Variants in CACNG5 observed in about 807,000 individuals in gnomAD.
CACNG5 encodes the protein voltage-dependent calcium channel gamma-5 subunit.
A neutral mutation model predicts 24.8 loss-of-function variants in CACNG5; 18 were observed. The observed-to-expected ratio is 0.73, with a 90% CI of 0.50 to 1.08. The LOEUF (loss-of-function observed/expected upper bound fraction) is 1.08. Ranked by LOEUF, CACNG5 falls within the 50% of genes least tolerant of loss-of-function variation. CACNG5 has a pLI of 0.00. For missense variants in CACNG5, 349 were observed against 367.9 expected (o/e 0.95, Z 0.42); for synonymous variants, 157 against 149.1 (o/e 1.05, Z -0.39).
At position 66,893,455 on chromosome 17, in the gene CACNG5, C is replaced by T. The variant is rs1258228319; in HGVS notation, c.*8215C>T. 6.6e-6 allele frequency among the ~76,000 whole-genome samples: 1 copy of T among 152,202 alleles called. No homozygotes were observed. Among genetic ancestry groups the T allele is most frequent in the Non-Finnish European group, 1.5e-5 (1 of 68,034 alleles). On this transcript the variant is annotated 3_prime_UTR_variant, in exon 6 of 6. Coordinates refer to ENST00000533854, the MANE Select transcript of CACNG5 (RefSeq NM_145811.3). ...TAACTGTGGTCAGCCCGTGGTGGAA[C>T]CTCGCCACACTCTTGTTCTGGATAA...
chr17:66,849,486 A>G (rs1324097438), intron 1 of CACNG5, among the ~76,000 whole-genome samples: 3 of 152,154 alleles, frequency 2.0e-5, no homozygotes, highest in Non-Finnish European at 4.4e-5. Context: ...AGGGTGCCCA[A>G]CCCTGAACCT....
At chr17:66,872,599 A>G (rs1267417080) in intron 1 of CACNG5, among the ~76,000 whole-genome samples, 1 of 152,262 alleles carries the variant, frequency 6.6e-6, no homozygotes, top group Non-Finnish European at 1.5e-5. Context: ...AGGAAAAAGC[A>G]CTGGGTCAGG....
chr17:66,872,749 T>C (rs1879177488), intron 1 of CACNG5, among the ~76,000 whole-genome samples: 1 of 152,168 alleles, frequency 6.6e-6, no homozygotes, highest in South Asian at 2.1e-4. Context: ...TAGGTGGGTT[T>C]CAGAAGTAGA....
At position 66,890,745 on chromosome 17, in the gene CACNG5, C is replaced by G. The variant is rs1172658770; in HGVS notation, c.*5505C>G. ...CCCTCGGAACTTCTGTCTTTTCATT[C>G]CTGTAATGGGGGAGTGTAGATAAAA... On this transcript the variant is annotated 3_prime_UTR_variant, in exon 6 of 6. Transcript: ENST00000533854. 6.6e-6 allele frequency among the ~76,000 whole-genome samples: 1 copy of G among 152,180 alleles called. No homozygotes were observed. The highest frequency in any genetic ancestry group is 1.5e-5 in the Non-Finnish European group (1 of 68,026).
chr17:66,880,748 T>C (rs1977148059), intron 4 of CACNG5, 51 bp downstream of exon 4: 1 of 1,600,936 alleles, frequency 6.2e-7, no homozygotes, highest in South Asian at 1.1e-5. Flanking sequence ...TTGTTTTTTG[T>C]TTTTTGTTTT....
intron 3 of CACNG5, among the ~76,000 whole-genome samples, chr17:66,880,110 G>T (rs182695363): frequency 5.9e-5 from 9 of 152,322 alleles, no homozygotes; most frequent in Admixed American, 5.9e-4. Flanking sequence ...GTAATTATAA[G>T]TTGAAGAAAA....
chr17:66,851,485 T>C (rs919379091), intron 1 of CACNG5, among the ~76,000 whole-genome samples: 1 of 152,322 alleles, frequency 6.6e-6, no homozygotes. Flanking sequence ...ATGGGGAAAT[T>C]AGCATTTCAA....
At chr17:66,864,023 C>G (rs11869737) in intron 1 of CACNG5, among the ~76,000 whole-genome samples, 6 of 152,326 alleles carry the variant, frequency 3.9e-5, no homozygotes, top group Non-Finnish European at 8.8e-5. Context: ...TGCTAGACAT[C>G]TGTGTGGAAC....
At chr17:66,863,452 C>T (rs759177429) in intron 1 of CACNG5, among the ~76,000 whole-genome samples, 18 of 151,986 alleles carry the variant, frequency 1.2e-4, no homozygotes, top group Non-Finnish European at 2.1e-4. Flanking sequence ...CTGCAACCTC[C>T]GCCTCCTGGG....
At chr17:66,840,574 G>T (rs769601266) in intron 1 of CACNG5, among the ~76,000 whole-genome samples, 18 of 152,184 alleles carry the variant, frequency 1.2e-4, no homozygotes, top group Non-Finnish European at 2.2e-4. Flanking sequence ...AACCCATCTG[G>T]CAGGTTCACA....
At chr17:66,837,775 G>A (rs1976500731) in intron 1 of CACNG5, among the ~76,000 whole-genome samples, 1 of 152,158 alleles carries the variant, frequency 6.6e-6, no homozygotes, top group African/African-American at 2.4e-5. Flanking sequence ...CTTGGGGAGT[G>A]TAGGAGAGAG....
chr17:66,872,135 G>A (rs972840846), intron 1 of CACNG5, among the ~76,000 whole-genome samples: 1 of 152,204 alleles, frequency 6.6e-6, no homozygotes, highest in Non-Finnish European at 1.5e-5. Flanking sequence ...TTACCTGGAA[G>A]CAGCCATCAT....
chr17:66,885,065 G>A lies in CACNG5; in HGVS notation c.653G>A (p.Arg218His), dbSNP rs145536558. The A allele has an allele frequency of 9.0e-5, 145 of 1,614,026 alleles. No individual in the cohort carries two copies. The highest frequency in any genetic ancestry group is 7.3e-4 in the African/African-American group (55 of 74,908). The stretch of plus-strand genomic sequence containing the variant: ...TACAGGCCCCACCCTGGCTTCTACC[G>A]CCCTCGGCTGAGCAACTGCTCCGAT... The part of the protein sequence containing the change: ...DMYRPHPGFY[R>H]PRLSNCSDYS... Residue 218 changes from arginine to histidine, a missense_variant, in exon 6 of 6, where the codon CGC (arginine) becomes CAC (histidine). Physicochemically the swap from Arg to His is conservative, Grantham distance 29 (BLOSUM62 0). Coordinates refer to ENST00000533854, the MANE Select transcript of CACNG5 (RefSeq NM_145811.3).
intron 1 of CACNG5, among the ~76,000 whole-genome samples, chr17:66,876,843 G>A (rs1418136207): frequency 2.6e-5 from 4 of 152,192 alleles, no homozygotes; most frequent in Non-Finnish European, 5.9e-5. Flanking sequence ...TCCTGGACAG[G>A]TCTCTACCAC....
chr17:66,885,886 G>T lies in CACNG5; in HGVS notation c.*646G>T, dbSNP rs1977252699. Among the ~76,000 whole-genome samples, 1 of 152,218 alleles carries T rather than the reference G, an allele frequency of 6.6e-6. No individual in the cohort carries two copies. Among genetic ancestry groups the T allele is most frequent in the Non-Finnish European group, 1.5e-5 (1 of 68,044 alleles). On this transcript the variant is annotated 3_prime_UTR_variant, in exon 6 of 6. Transcript: ENST00000533854. ...CCTTTCCTCACACCAGAACTCAGCT[G>T]CCCTGGGCCCTGGCACTAAGGGACT...
chr17:66,866,373 G>A (rs1026279041), intron 1 of CACNG5, among the ~76,000 whole-genome samples: 1 of 152,130 alleles, frequency 6.6e-6, no homozygotes, highest in African/African-American at 2.4e-5. Context: ...GGGCTCAGGT[G>A]ATCTTCTCGC....
At chr17:66,884,379 C>A (rs1256725184) in intron 4 of CACNG5, 137 bp from the exon 5 acceptor site, 1 of 859,186 alleles carries the variant, frequency 1.2e-6, no homozygotes, top group African/African-American at 1.7e-5. Context: ...TTCTGCTCTC[C>A]TTTGAACTCC....
intron 4 of CACNG5, 48 bp downstream of exon 4, chr17:66,880,745 T>G (rs758744850): frequency 1.2e-6 from 2 of 1,601,456 alleles, no homozygotes; most frequent in Non-Finnish European, 1.7e-6. Context: ...TTTTTGTTTT[T>G]TGTTTTTTGT....
chr17:66,853,799 C>T (rs927479882), intron 1 of CACNG5, among the ~76,000 whole-genome samples: 1 of 152,120 alleles, frequency 6.6e-6, no homozygotes, highest in African/African-American at 2.4e-5. Context: ...CAGAGAACTT[C>T]CTTACCCTGA....
Sources: gnomAD v4.1 joint callset for allele counts (sites outside exome capture counted in the v4.1 genomes callset) on GRCh38, gnomAD v4.1.1 for gene constraint, MANE v1.5 for transcripts, NCBI Gene and HGNC (gene_info 2026-07-23, HGNC 2026-07-21) for gene names.